SGCD: variants seen among roughly 807,000 people sequenced by gnomAD.
The protein encoded by SGCD is delta-sarcoglycan.
A neutral mutation model predicts 36.6 loss-of-function variants in SGCD; 18 were observed. That is an observed-to-expected ratio of 0.49 (90% CI 0.34 to 0.73). SGCD has a LOEUF of 0.73. Among genes scored for constraint, SGCD ranks in the 30% least tolerant of loss-of-function variants. The pLI, the probability that SGCD is intolerant of heterozygous loss-of-function variation, is 0.01. For missense variants in SGCD, 387 were observed against 346.7 expected (o/e 1.12, Z -0.92); for synonymous variants, 133 against 130.6 (o/e 1.02, Z -0.12).
At chr5:156,529,423 CAAAAA>C (rs397884521) in intron 4 of SGCD, among the ~76,000 whole-genome samples, 1 of 59,144 alleles carries the variant, frequency 1.7e-5, no homozygotes, top group Non-Finnish European at 3.3e-5. Flanking sequence ...GACTCTGTCT[CAAAAA>C]AAAAAAAAAA....
the SGCD span, among the ~76,000 whole-genome samples, chr5:155,838,775 C>CAAA: frequency 2.5e-5 from 3 of 118,294 alleles, no homozygotes; most frequent in Admixed American, 8.5e-5. Flanking sequence ...AAGAGATTTG[C>CAAA]AAAAAAAAAA....
chr5:155,753,230 G>A, the SGCD span, among the ~76,000 whole-genome samples: 11 of 151,974 alleles, frequency 7.2e-5, no homozygotes, highest in African/African-American at 1.7e-4. Flanking sequence ...CCACCTACTC[G>A]GGAGGCTGAG....
chr5:155,937,980 G>T (rs552029518), intron 1 of SGCD, among the ~76,000 whole-genome samples: 6 of 152,286 alleles, frequency 3.9e-5, no homozygotes, highest in African/African-American at 9.6e-5. Context: ...ATTTGAACCC[G>T]GCTTTGAAAG....
At chr5:155,868,717 A>C (rs1317528579), upstream of SGCD, among the ~76,000 whole-genome samples, 1 of 152,212 alleles carries the variant, frequency 6.6e-6, no homozygotes, top group Non-Finnish European at 1.5e-5. Context: ...GGAGTGATTT[A>C]AATTTTAGTT....
the SGCD span, among the ~76,000 whole-genome samples, chr5:155,837,966 T>C: frequency 0.29 from 43,663 of 152,038 alleles, 7,785 homozygotes; most frequent in East Asian, 0.43. Flanking sequence ...CTCTTTTTTT[T>C]ATTATGAAGA....
At chr5:156,622,121 C>T (rs1339319416) in intron 6 of SGCD, among the ~76,000 whole-genome samples, 1 of 151,982 alleles carries the variant, frequency 6.6e-6, no homozygotes, top group Non-Finnish European at 1.5e-5. Context: ...GTATAAAGTG[C>T]CTATACTTTT....
At chr5:156,680,273 T>G (rs568941507) in intron 7 of SGCD, among the ~76,000 whole-genome samples, 3 of 152,292 alleles carry the variant, frequency 2.0e-5, no homozygotes, top group African/African-American at 7.2e-5. Flanking sequence ...CAAAGTTTCC[T>G]GACCCCCGGG....
At chr5:156,606,483 G>T (rs1186273631) in intron 6 of SGCD, among the ~76,000 whole-genome samples, 2 of 152,156 alleles carry the variant, frequency 1.3e-5, no homozygotes. Context: ...GTAGCATGAT[G>T]CCTCCAGCTT....
chr5:155,817,937 T>C, the SGCD span, among the ~76,000 whole-genome samples: 1 of 152,202 alleles, frequency 6.6e-6, no homozygotes, highest in Non-Finnish European at 1.5e-5. Flanking sequence ...TAAGTTAAAA[T>C]AAAGCAAAGT....
chr5:155,851,954 GCTC>G, the SGCD span, among the ~76,000 whole-genome samples: 1 of 152,146 alleles, frequency 6.6e-6, no homozygotes, highest in Non-Finnish European at 1.5e-5. Context: ...AATTGACTGA[GCTC>G]CTTGGGAGCT....
chr5:156,724,829 T>A (rs749920623), intron 7 of SGCD, among the ~76,000 whole-genome samples: 1 of 152,172 alleles, frequency 6.6e-6, no homozygotes, highest in African/African-American at 2.4e-5. Flanking sequence ...CATCAATCCA[T>A]GCCAATCTGG....
chr5:156,565,453 T>C (rs539224846), intron 4 of SGCD, among the ~76,000 whole-genome samples: 12 of 152,364 alleles, frequency 7.9e-5, no homozygotes, highest in African/African-American at 2.9e-4. Flanking sequence ...CACATGCCTA[T>C]TGACCAAATT....
intron 3 of SGCD, among the ~76,000 whole-genome samples, chr5:156,417,369 G>A (rs1043665176): frequency 2.6e-5 from 4 of 152,026 alleles, no homozygotes; most frequent in East Asian, 3.9e-4. Context: ...ATACTATATC[G>A]GTGTTTTGGG....
At chr5:155,811,811 G>A in the SGCD span, among the ~76,000 whole-genome samples, 1 of 152,136 alleles carries the variant, frequency 6.6e-6, no homozygotes, top group African/African-American at 2.4e-5. Flanking sequence ...GAGGGCAGGG[G>A]TAGGTTAGTG....
In SGCD at chr5:156,442,438, T is replaced by A. The variant is rs1016016157; in HGVS notation, c.193-66163T>A. Among the ~76,000 whole-genome samples, 10 of 152,186 alleles carry A rather than the reference T, an allele frequency of 6.6e-5. 1 individual carries two copies. ...GAAGTCAATTTCTTCAACTGTAGAG[T>A]TAAAAAATTCTGTTGGTGGTTGTTA... On this transcript the variant is annotated intron_variant, in intron 3 of 8. Transcript: ENST00000337851.
At chr5:156,343,959 C>T (rs539697661) in intron 2 of SGCD, among the ~76,000 whole-genome samples, 1 of 152,242 alleles carries the variant, frequency 6.6e-6, no homozygotes, top group South Asian at 2.1e-4. Flanking sequence ...GTAAGGACCC[C>T]CCTTTTAAAT....
intron 1 of SGCD, among the ~76,000 whole-genome samples, chr5:155,875,718 AG>A (rs892341754): frequency 1.1e-4 from 16 of 151,668 alleles, no homozygotes; most frequent in African/African-American, 3.9e-4. Context: ...CCTGGGTCAG[AG>A]GCAAAAGCAT....
At chr5:156,308,665 G>A (rs1210142220) in intron 3 of SGCD, among the ~76,000 whole-genome samples, 1 of 152,064 alleles carries the variant, frequency 6.6e-6, no homozygotes, top group African/African-American at 2.4e-5. Context: ...AACAGCATGG[G>A]GAAAATCCAC....
chr5:156,609,958 C>T (rs560667318), intron 6 of SGCD, among the ~76,000 whole-genome samples: 6 of 152,060 alleles, frequency 3.9e-5, no homozygotes, highest in Middle Eastern at 3.4e-3. Flanking sequence ...AATTTTTTTT[C>T]GAGGTTTTTA....
Sources: allele counts gnomAD v4.1 joint callset (sites outside exome capture counted in the v4.1 genomes callset), GRCh38; gene constraint gnomAD v4.1.1; transcripts MANE v1.5; gene names NCBI Gene and HGNC (gene_info 2026-07-23, HGNC 2026-07-21).